Variants in RMDN2 observed in about 807,000 individuals in gnomAD.
RMDN2 encodes the protein regulator of microtubule dynamics protein 2.
RMDN2 carries 61 observed loss-of-function variants against 52.8 expected under a neutral mutation model. That is an observed-to-expected ratio of 1.16 (90% confidence interval 0.94 to 1.43). RMDN2 has a LOEUF of 1.43. RMDN2 is among the 40% of genes most tolerant of loss of function. The pLI is 0.00. For missense variants in RMDN2, 592 were observed against 475.3 expected, an observed-to-expected ratio of 1.25 and a Z score of -2.28; for synonymous variants, 180 against 153.1, an observed-to-expected ratio of 1.18 and a Z score of -1.30.
chr2:37,965,180 C>T (rs1380153852), intron 2 of RMDN2, among the ~76,000 whole-genome samples: 2 of 152,100 alleles, frequency 1.3e-5, no homozygotes, highest in African/African-American at 4.8e-5. Flanking sequence ...AAAACCCATT[C>T]TGCCAATATA....
At position 37,934,777 on chromosome 2, in the gene RMDN2, A is replaced by C. The variant is rs1298663475; in HGVS notation, c.452+5048A>C. Among the ~76,000 whole-genome samples, 4 of 152,198 alleles carry C rather than the reference A, an allele frequency of 2.6e-5. No individual in the cohort carries two copies. In the East Asian group the frequency reaches 7.7e-4, roughly 29 times the overall value. ...ATTGATGTTTTCAGTTTCAATTTTA[A>C]GTTATTTCTGAAAACTTTTCAGTTC... On this transcript the variant is annotated intron_variant, in intron 2 of 10. Coordinates refer to ENST00000354545, the MANE Select transcript of RMDN2 (RefSeq NM_001170791.3).
intron 10 of RMDN2, among the ~76,000 whole-genome samples, chr2:38,035,658 A>T (rs1680524225): frequency 6.6e-6 from 1 of 152,228 alleles, no homozygotes; most frequent in African/African-American, 2.4e-5. Context: ...GGCATGTAAA[A>T]TGAGTTATTC....
intron 2 of RMDN2, among the ~76,000 whole-genome samples, chr2:37,946,145 T>C (rs1029412368): frequency 1.3e-5 from 2 of 152,238 alleles, no homozygotes; most frequent in Non-Finnish European, 2.9e-5. Flanking sequence ...AATAGCGTTA[T>C]AGAACTGAAT....
chr2:38,010,402 C>G (rs984527591), intron 10 of RMDN2, among the ~76,000 whole-genome samples: 3 of 152,194 alleles, frequency 2.0e-5, no homozygotes, highest in Admixed American at 6.5e-5. Flanking sequence ...ACTCAAGCCT[C>G]GGCAATGGCT....
rs531408738 is a variant in RMDN2, at chr2:37,997,360, T to C, written c.946-56T>C. The C allele has an allele frequency of 5.8e-6, 6 of 1,038,532 alleles. No individual in the cohort carries two copies. The African/African-American group carries it at 7.9e-5, about 14-fold the overall frequency. 64.3% of individuals were successfully genotyped at this position (1,038,532 alleles called of 1,614,324 possible). ...ACACACACGTCTAACTGGGGAGAGA[T>C]AATCCATTCAAAAGGTGAACAACTT... On this transcript the variant is annotated intron_variant, in intron 7 of 10. Transcript: ENST00000354545.
intron 2 of RMDN2, chr2:37,951,892 A>T (rs1432292044): frequency 6.2e-7 from 1 of 1,613,228 alleles, no homozygotes; most frequent in Admixed American, 1.7e-5. Context: ...TCCTCTCCCG[A>T]TCAACAAAAT....
chr2:37,943,186 C>T (rs1054193725), intron 2 of RMDN2, among the ~76,000 whole-genome samples: 3 of 152,204 alleles, frequency 2.0e-5, no homozygotes, highest in African/African-American at 7.2e-5. Flanking sequence ...ATTGCTCAAG[C>T]ACAATGTGTA....
intron 2 of RMDN2, among the ~76,000 whole-genome samples, chr2:37,966,155 C>T (rs1184336684): frequency 1.3e-5 from 2 of 152,124 alleles, no homozygotes; most frequent in African/African-American, 4.8e-5. Context: ...GGCGTGGTGG[C>T]TCACGCCTGT....
chr2:38,040,277 A>G (rs895936758), intron 10 of RMDN2, among the ~76,000 whole-genome samples: 1 of 151,996 alleles, frequency 6.6e-6, no homozygotes, highest in East Asian at 1.9e-4. Flanking sequence ...TTATAGCTGT[A>G]TAGTTAGTTT....
intron 10 of RMDN2, among the ~76,000 whole-genome samples, chr2:38,037,971 G>C (rs1680697726): frequency 6.6e-6 from 1 of 152,142 alleles, no homozygotes; most frequent in Admixed American, 6.5e-5. Context: ...CTCGAAACTC[G>C]GTGTTCTGTA....
chr2:37,952,167 G>C (rs1201852966), intron 2 of RMDN2: 2 of 1,613,190 alleles, frequency 1.2e-6, no homozygotes, highest in Non-Finnish European at 1.7e-6. Flanking sequence ...TCAAGATGAA[G>C]ACAGATCTTC....
Position 38,009,735 on chromosome 2 carries a change from T to G in RMDN2, c.1179+5519T>G, listed in dbSNP as rs890064716. 2.0e-5 allele frequency among the ~76,000 whole-genome samples: 3 copies of G among 152,222 alleles called. No homozygotes were observed. In the East Asian group the frequency reaches 5.8e-4, roughly 29 times the overall value. On this transcript the variant is annotated intron_variant, in intron 10 of 10. Transcript: ENST00000354545. ...TGTCAGAGTCATTCTCCGTCCAGCT[T>G]TGTTCCGTTGCTGGTGAGGAGCTGC...
chr2:37,931,647 A>C (rs1666753458), intron 2 of RMDN2, among the ~76,000 whole-genome samples: 1 of 152,264 alleles, frequency 6.6e-6, no homozygotes, highest in African/African-American at 2.4e-5. Flanking sequence ...AACTTTGATA[A>C]GTTTAGGATT....
chr2:37,940,271 C>A (rs1478903018), intron 2 of RMDN2, among the ~76,000 whole-genome samples: 1 of 152,202 alleles, frequency 6.6e-6, no homozygotes, highest in Non-Finnish European at 1.5e-5. Context: ...TGCTGGGCTT[C>A]CCTTTGTGGG....
At chr2:38,066,344 A>T (rs1682280314) in intron 10 of RMDN2, among the ~76,000 whole-genome samples, 1 of 152,224 alleles carries the variant, frequency 6.6e-6, no homozygotes, top group Admixed American at 6.5e-5. Flanking sequence ...ATGAGCTGTT[A>T]CCCATAGCGT....
At position 38,036,168 on chromosome 2, in the gene RMDN2, A is replaced by T. The variant is rs1680566329; in HGVS notation, c.1714-30814A>T. On this transcript the variant is annotated intron_variant, in intron 10 of 10. Transcript: ENST00000234195. ...ATCTCACCTCAGAGAGATCCGTGAT[A>T]TGTCACCCAGGAGCATCCGTCACCT... 4 of 152,198 alleles carry T rather than the reference A, an allele frequency of 2.6e-5. 1 individual carries two copies. The South Asian group carries it at 8.3e-4, about 32-fold the overall frequency. 9.4% of individuals were successfully genotyped at this position (152,198 alleles called of 1,614,324 possible).
At chr2:37,999,474 G>T (rs1676025153) in intron 8 of RMDN2, among the ~76,000 whole-genome samples, 1 of 152,094 alleles carries the variant, frequency 6.6e-6, no homozygotes, top group African/African-American at 2.4e-5. Context: ...CCCGCATTAG[G>T]TCATTACTTA....
chr2:38,046,563 T>A lies in RMDN2; in HGVS notation c.1714-20419T>A, dbSNP rs146867157. On this transcript the variant is annotated intron_variant, in intron 10 of 10. Transcript: ENST00000234195. ...GAAATCCACATCTAAGAGACCCACA[T>A]GCTAAGCACATCATAGTCAAATTGT... 7.0e-3 allele frequency among the ~76,000 whole-genome samples: 1,065 copies of A among 152,112 alleles called. 7 individuals carry two copies. The highest frequency in any genetic ancestry group is 0.01 in the Non-Finnish European group (700 of 67,992).
chr2:38,041,512 C>T (rs1680953347), intron 10 of RMDN2, among the ~76,000 whole-genome samples: 1 of 134,754 alleles, frequency 7.4e-6, no homozygotes, highest in Admixed American at 8.6e-5. Context: ...GACATATATA[C>T]TTTGTTCCCA....
Sources: gnomAD v4.1 joint callset for allele counts (sites outside exome capture counted in the v4.1 genomes callset) on GRCh38, gnomAD v4.1.1 for gene constraint, MANE v1.5 for transcripts, NCBI Gene and HGNC (gene_info 2026-07-23, HGNC 2026-07-21) for gene names.